Variants in TENM3 observed in about 807,000 individuals in gnomAD.
TENM3 encodes the protein teneurin-3.
Under a neutral mutation model 255.1 loss-of-function variants are expected in TENM3, and 63 were observed. The ratio of observed to expected loss-of-function variants is 0.25; its 90% CI spans 0.20 to 0.30. The LOEUF (loss-of-function observed/expected upper bound fraction) is 0.30. TENM3 is among the 10% of genes least tolerant of loss of function. The probability of loss-of-function intolerance (pLI) is 1.00; values close to 1 mark genes in which losing one functional copy is unlikely to be tolerated. For missense variants in TENM3, 2,929 were observed against 3,461.1 expected, an observed-to-expected ratio of 0.85 and a Z score of 3.86; for synonymous variants, 1,306 against 1,322.3, an observed-to-expected ratio of 0.99 and a Z score of 0.27.
At chr4:182,140,099 T>TG (rs1312570080), upstream of TENM3, among the ~76,000 whole-genome samples, 1 of 152,194 alleles carries the variant, frequency 6.6e-6, no homozygotes, top group Non-Finnish European at 1.5e-5. Flanking sequence ...TTTTTGCCAG[T>TG]GGGGGGAAAA....
rs558710040 is a variant in TENM3 at position 182,778,719 on chromosome 4, T to G, written c.5304+3566T>G. Among the ~76,000 whole-genome samples the G allele has an allele frequency of 3.9e-5, 6 of 152,292 alleles. No homozygotes were observed. In the East Asian group the frequency reaches 1.2e-3, roughly 29 times the overall value. Reference sequence around the variant, plus strand: ...ACATCAAAGTGATGTTGTGATTAATTACAATCATGCTGGACATGATCTTTG... The same window carrying G: ...ACATCAAAGTGATGTTGTGATTAATGACAATCATGCTGGACATGATCTTTG... On this transcript the variant is annotated intron_variant, in intron 24 of 27. Coordinates refer to ENST00000511685, the MANE Select transcript of TENM3 (RefSeq NM_001080477.4).
the TENM3 span, among the ~76,000 whole-genome samples, chr4:181,865,585 G>A: frequency 1.3e-5 from 2 of 152,228 alleles, no homozygotes; most frequent in East Asian, 3.9e-4. Context: ...AGGAGGGGCT[G>A]AAGGCCCACT....
the TENM3 span, among the ~76,000 whole-genome samples, chr4:182,055,170 G>T: frequency 2.6e-5 from 4 of 151,976 alleles, no homozygotes; most frequent in African/African-American, 9.7e-5. Flanking sequence ...AAGATGGTGA[G>T]ATCCCATCCC....
the TENM3 span, among the ~76,000 whole-genome samples, chr4:181,796,567 T>C: frequency 5.9e-5 from 9 of 152,028 alleles, no homozygotes; most frequent in Non-Finnish European, 1.0e-4. Context: ...GACATGAGCA[T>C]GTGCACTAGA....
At chr4:182,798,221 T>A (rs1362082152) in intron 27 of TENM3, among the ~76,000 whole-genome samples, 1 of 152,156 alleles carries the variant, frequency 6.6e-6, no homozygotes, top group Non-Finnish European at 1.5e-5. Context: ...TAGCACAGGC[T>A]GGTCTTGAAC....
chr4:181,946,367 A>T, the TENM3 span, among the ~76,000 whole-genome samples: 1 of 152,174 alleles, frequency 6.6e-6, no homozygotes, highest in African/African-American at 2.4e-5. Flanking sequence ...TTTTGGCAAC[A>T]TGCTAGAAGG....
intron 3 of TENM3, among the ~76,000 whole-genome samples, chr4:182,488,887 G>T (rs1735007858): frequency 6.6e-6 from 1 of 152,076 alleles, no homozygotes; most frequent in Admixed American, 6.6e-5. Flanking sequence ...GGGAAGCGGA[G>T]GTAGCAAGGG....
At chr4:181,853,018 G>A in the TENM3 span, among the ~76,000 whole-genome samples, 1 of 152,216 alleles carries the variant, frequency 6.6e-6, no homozygotes, top group Non-Finnish European at 1.5e-5. Flanking sequence ...CTTAAGAGGT[G>A]AGATCACAGG....
the TENM3 span, among the ~76,000 whole-genome samples, chr4:181,892,553 A>G: frequency 1.1e-4 from 17 of 152,340 alleles, no homozygotes; most frequent in East Asian, 9.6e-4. Flanking sequence ...GTCCCAGTTT[A>G]CTTTCTCGAT....
At chr4:181,979,395 C>T in the TENM3 span, among the ~76,000 whole-genome samples, 12 of 151,590 alleles carry the variant, frequency 7.9e-5, no homozygotes, top group African/African-American at 2.2e-4. Context: ...GTTTTTCCCC[C>T]ATCAAGGCAA....
chr4:182,328,564 C>T (rs887819013), intron 2 of TENM3, among the ~76,000 whole-genome samples: 1 of 151,848 alleles, frequency 6.6e-6, no homozygotes, highest in African/African-American at 2.4e-5. Context: ...TATGTTTGTA[C>T]GTTACTGAAA....
the TENM3 span, among the ~76,000 whole-genome samples, chr4:181,592,633 T>C: frequency 2.0e-5 from 3 of 151,686 alleles, no homozygotes; most frequent in Middle Eastern, 6.8e-3. Flanking sequence ...TCTCTGAAGT[T>C]ACTATTTTGG....
chr4:182,744,342 T>C (rs1311792403), intron 19 of TENM3, among the ~76,000 whole-genome samples: 1 of 151,938 alleles, frequency 6.6e-6, no homozygotes, highest in African/African-American at 2.4e-5. Flanking sequence ...ATATTGCGAG[T>C]TATTTACGTG....
At chr4:182,134,979 G>A in the TENM3 span, among the ~76,000 whole-genome samples, 1 of 151,804 alleles carries the variant, frequency 6.6e-6, no homozygotes, top group Non-Finnish European at 1.5e-5. Flanking sequence ...AGGCCGAGGA[G>A]GGTGGATCAC....
chr4:182,359,473 TC>T (rs1765806010), intron 3 of TENM3, among the ~76,000 whole-genome samples: 1 of 151,112 alleles, frequency 6.6e-6, no homozygotes, highest in Non-Finnish European at 1.5e-5. Flanking sequence ...GAGGAATTTA[TC>T]CATTTTTTCT....
the TENM3 span, among the ~76,000 whole-genome samples, chr4:181,508,874 T>C: frequency 1.4e-5 from 2 of 139,204 alleles, no homozygotes; most frequent in South Asian, 4.6e-4. Flanking sequence ...AGAGTGACGA[T>C]GGGGATTATT....
intron 1 of TENM3, among the ~76,000 whole-genome samples, chr4:182,217,839 G>T (rs1006297063): frequency 3.8e-4 from 58 of 152,230 alleles, no homozygotes; most frequent in African/African-American, 1.3e-3. Flanking sequence ...GAATAATAAT[G>T]TTATGAATAT....
chr4:182,230,854 A>ATATATATC (rs1374417797), intron 1 of TENM3, among the ~76,000 whole-genome samples: 4 of 123,922 alleles, frequency 3.2e-5, no homozygotes, highest in African/African-American at 9.2e-5. Context: ...ATATATATAT[A>ATATATATC]TATCCCCCTT....
chr4:181,755,041 T>C, the TENM3 span, among the ~76,000 whole-genome samples: 1 of 152,170 alleles, frequency 6.6e-6, no homozygotes, highest in African/African-American at 2.4e-5. Flanking sequence ...GTTTCTCCTG[T>C]ATCAGACATG....
Sources: gnomAD v4.1 joint callset for allele counts (sites outside exome capture counted in the v4.1 genomes callset) on GRCh38, gnomAD v4.1.1 for gene constraint, MANE v1.5 for transcripts, NCBI Gene and HGNC (gene_info 2026-07-23, HGNC 2026-07-21) for gene names.